MATN4: variants seen among roughly 807,000 people sequenced by gnomAD.
MATN4 encodes matrilin 4.
MATN4 carries 40 observed loss-of-function variants against 54.6 expected under a neutral mutation model. That is an observed-to-expected ratio of 0.73 (90% CI 0.57 to 0.95). MATN4 has a LOEUF of 0.95. Ranked by LOEUF, MATN4 falls within the 40% of genes least tolerant of loss-of-function variation. MATN4 has a pLI of 0.00. For synonymous variants in MATN4, 351 were observed against 345.3 expected (o/e 1.02, Z -0.18); for missense variants, 810 against 819.1 (o/e 0.99, Z 0.13).
chr20:45,294,333 T>C (rs2145636439), intron 8 of MATN4, among the ~76,000 whole-genome samples: 1 of 152,350 alleles, frequency 6.6e-6, no homozygotes, highest in Non-Finnish European at 1.5e-5. Flanking sequence ...TTAATGCTCA[T>C]TGGAATCATC....
At position 45,300,868 on chromosome 20, in the gene MATN4, C is replaced by T. The variant is rs1381327802; in HGVS notation, c.1012+19G>A. ...AATGGGGCAGAAGCCAACAGAACAC[C>T]CTCCCGCCCATCACTCACGGTTGCA... is the stretch of plus-strand genomic sequence containing the variant. On this transcript the variant is annotated intron_variant, in intron 6 of 9. Coordinates refer to ENST00000372756, the MANE Select transcript of MATN4 (RefSeq NM_001393530.1). 5 of 1,611,310 alleles carry T rather than the reference C, an allele frequency of 3.1e-6. No homozygotes were observed. In the East Asian group the frequency reaches 8.9e-5, roughly 29 times the overall value.
In MATN4 at chr20:45,301,429, C is replaced by T. The variant is rs767682763; in HGVS notation, c.658G>A (p.Ala220Thr). 2 of 1,613,836 alleles carry T rather than the reference C, an allele frequency of 1.2e-6. No individual in the cohort carries two copies. Among genetic ancestry groups the T allele is most frequent in the Non-Finnish European group, 1.7e-6 (2 of 1,179,968 alleles). The change falls in exon 4 of 10, where the codon GCT becomes ACT. Residue 220 changes from alanine to threonine, a missense_variant. Transcript: ENST00000372756. ...TGCTCACATCCATGGGTCCCTTCAG[C>T]ACACAGATCAATGGCTGAGGAAGAA... is the stretch of plus-strand genomic sequence containing the variant. ...QSRLCAIDLC[A>T]EGTHGCEHHC...
chr20:45,302,043 A>G (rs1986266553), intron 3 of MATN4, among the ~76,000 whole-genome samples: 1 of 152,102 alleles, frequency 6.6e-6, no homozygotes, highest in Non-Finnish European at 1.5e-5. Context: ...TACTTAGCAC[A>G]TACACGCTTG....
Position 45,298,243 on chromosome 20 carries a change from A to G in MATN4, c.1353T>C (p.Arg451=), listed in dbSNP as rs753312085. ...GGCCATCCGTGAAGACCAGGCCAACACGAGGCACGTTAAGGGCACGGGGCC... is the reference window on the plus strand; with the variant it reads ...GGCCATCCGTGAAGACCAGGCCAACGCGAGGCACGTTAAGGGCACGGGGCC... ...GARPRALNVP[R]VGLVFTDGRS... is the part of the protein sequence containing the mutation. The change falls in exon 7 of 10, where the codon CGT becomes CGC. Residue 451 remains arginine (R), a synonymous_variant. Transcript: ENST00000372756. The surrounding 1 kb of genome is among the most constrained non-coding windows in gnomAD (Gnocchi z 4.6). 6.2e-7 allele frequency: 1 copy of G among 1,611,828 alleles called. No individual in the cohort carries two copies. The highest frequency in any genetic ancestry group is 2.2e-5 in the East Asian group (1 of 44,810).
At chr20:45,297,273 G>C (rs1600691143) in intron 8 of MATN4, among the ~76,000 whole-genome samples, 1 of 151,894 alleles carries the variant, frequency 6.6e-6, no homozygotes, top group South Asian at 2.1e-4. Context: ...AAGTCTCTAG[G>C]GTAAAAGTTA....
intron 2 of MATN4, among the ~76,000 whole-genome samples, 153 bp from the exon 3 acceptor site, chr20:45,304,950 C>T (rs1466905407): frequency 2.0e-5 from 3 of 152,224 alleles, no homozygotes; most frequent in African/African-American, 7.2e-5. Context: ...CCGGCATGTG[C>T]CTAGCACCTG....
chr20:45,304,616 G>T lies in MATN4; in HGVS notation c.255C>A (p.Val85=), dbSNP rs1310857624. ...VIQYSSQVQS[V]FPLRAFSRRE... ...GGCGAGAGAACGCGCGGAGAGGGAA[G>T]ACGCTCTGCACTTGACTCGAATACT... The change falls in exon 3 of 10, where the codon GTC becomes GTA. Residue 85 remains valine, a synonymous_variant. Transcript: ENST00000372756. The T allele has an allele frequency of 6.2e-7, 1 of 1,603,896 alleles. No homozygotes were observed. Among genetic ancestry groups the T allele is most frequent in the Non-Finnish European group, 8.5e-7 (1 of 1,172,148 alleles).
chr20:45,298,316 G>A lies in MATN4; in HGVS notation c.1280C>T (p.Ala427Val), dbSNP rs144151421. 82 of 1,613,376 alleles carry A rather than the reference G, an allele frequency of 5.1e-5. No individual in the cohort carries two copies. The highest frequency in any genetic ancestry group is 6.4e-5 in the Non-Finnish European group (76 of 1,179,894). Residue 427 changes from alanine to valine, a missense_variant, in exon 7 of 10, where the codon GCG (alanine) becomes GTG (valine). Ala to Val is a moderately conservative substitution (Grantham distance 64). Coordinates refer to ENST00000372756, the MANE Select transcript of MATN4 (RefSeq NM_001393530.1). The surrounding 1 kb of genome is among the most constrained non-coding windows in gnomAD (Gnocchi z 4.6). The stretch of plus-strand genomic sequence containing the variant: ...GCTGTGCTCCACCATGTGCCGCAAC[G>A]CCAGCCCTGTCATGGTGCCGCGTTC... ...YMERGTMTGL[A>V]LRHMVEHSFS...
At position 45,302,021 on chromosome 20, in the gene MATN4, C is replaced by T. The variant is rs144993754; in HGVS notation, c.644-578G>A. Reference sequence around the variant, plus strand: ...AATGAGTTTTTCGTGTGTGTGTGCACGCGCTATGAGTTACTTAGCACATAC... The same window carrying T: ...AATGAGTTTTTCGTGTGTGTGTGCATGCGCTATGAGTTACTTAGCACATAC... On this transcript the variant is annotated intron_variant, in intron 3 of 9. Coordinates refer to ENST00000372756, the MANE Select transcript of MATN4 (RefSeq NM_001393530.1). Among the ~76,000 whole-genome samples the T allele has an allele frequency of 1.5e-3, 227 of 152,090 alleles. 1 individual carries two copies. Among genetic ancestry groups the T allele is most frequent in the Middle Eastern group, 6.8e-3 (2 of 294 alleles).
intron 1 of MATN4, among the ~76,000 whole-genome samples, chr20:45,307,467 G>A (rs1048998888): frequency 2.6e-4 from 40 of 152,130 alleles, no homozygotes; most frequent in African/African-American, 9.2e-4. Context: ...GTGGGAGGGC[G>A]GGGAACCCTT....
chr20:45,297,821 G>A, intron 8 of MATN4, 97 bp downstream of exon 8: 1 of 1,479,536 alleles, frequency 6.8e-7, no homozygotes, highest in Non-Finnish European at 9.3e-7. Context: ...CCAACCTCTG[G>A]CTATAACTAC....
chr20:45,297,161 G>A (rs62205535), intron 8 of MATN4, among the ~76,000 whole-genome samples: 4 of 150,954 alleles, frequency 2.6e-5, no homozygotes, highest in African/African-American at 9.7e-5. Context: ...AAAAAAAAAG[G>A]CAAATTCTCC....
rs1037126655 is a variant in MATN4 at position 45,296,164 on chromosome 20, G to A, written c.1579+1754C>T. Reference sequence around the variant, plus strand: ...TGGCAGGCAGAGGTTGCAGTAAGCCGAGATCGCACCACTGCACTCCAGCCT... The same window carrying A: ...TGGCAGGCAGAGGTTGCAGTAAGCCAAGATCGCACCACTGCACTCCAGCCT... On this transcript the variant is annotated intron_variant, in intron 8 of 9. Coordinates refer to ENST00000372756, the MANE Select transcript of MATN4 (RefSeq NM_001393530.1). Among the ~76,000 whole-genome samples the A allele has an allele frequency of 1.6e-4, 21 of 128,248 alleles. No homozygotes were observed. The Middle Eastern group carries it at 0.019, about 113-fold the overall frequency. The allele number at this position is 128,248 out of a possible 152,430, so 84.1% of individuals were successfully genotyped here.
At chr20:45,305,848 G>A (rs1169973394) in intron 1 of MATN4, among the ~76,000 whole-genome samples, 1 of 82,934 alleles carries the variant, frequency 1.2e-5, no homozygotes. Context: ...CTGTCGTCCC[G>A]GCTGGAGTGC....
Position 45,298,035 on chromosome 20 carries a change from C to G in MATN4, c.1462G>C (p.Val488Leu). The change falls in exon 8 of 10, where the codon GTG becomes CTG. Residue 488 changes from valine (V) to leucine (L), a missense_variant. Physicochemically the swap from Val to Leu is conservative, Grantham distance 32. Coordinates refer to ENST00000372756, the MANE Select transcript of MATN4 (RefSeq NM_001393530.1). This position sits in a 1 kb window ranked among gnomAD's most constrained non-coding sequence, Gnocchi z 4.6. Reference protein sequence around the residue: ...VMYAVGVGKAVEAELREIASE... With the variant: ...VMYAVGVGKALEAELREIASE... ...GCGATCTCGCGCAGCTCCGCCTCCA[C>G]CGCCTTGCCCACGCCCACGGCGTAC... The G allele has an allele frequency of 6.2e-7, 1 of 1,613,882 alleles. No individual in the cohort carries two copies. The highest frequency in any genetic ancestry group is 8.5e-7 in the Non-Finnish European group (1 of 1,179,942).
chr20:45,296,214 CAAAAAAAAAAA>C (rs71181820), intron 8 of MATN4, among the ~76,000 whole-genome samples: 7 of 35,494 alleles, frequency 2.0e-4, no homozygotes, highest in African/African-American at 5.2e-4. Flanking sequence ...GACTCCATCT[CAAAAAAAAAAA>C]AAAAAAAAAA....
At chr20:45,306,060 C>A (rs2233088) in intron 1 of MATN4, among the ~76,000 whole-genome samples, 37,973 of 151,634 alleles carry the variant, frequency 0.25, 6,107 homozygotes, top group East Asian at 0.74. Context: ...CCACCTCGGC[C>A]TCCCAGAATG....
At chr20:45,306,977 G>T in intron 1 of MATN4, 1 of 1,241,194 alleles carries the variant, frequency 8.1e-7, no homozygotes, top group Non-Finnish European at 1.0e-6. Flanking sequence ...CCCCGGAGAC[G>T]CCCCGTGAGA....
chr20:45,303,270 G>A (rs934206670), intron 3 of MATN4: 5 of 623,392 alleles, frequency 8.0e-6, no homozygotes, highest in Admixed American at 4.4e-5. Context: ...CCTGTAAAGT[G>A]ATGGAGGTGT....
Sources: allele counts gnomAD v4.1 joint callset (sites outside exome capture counted in the v4.1 genomes callset), GRCh38; gene constraint gnomAD v4.1.1; non-coding constraint Gnocchi (gnomAD v3.1); transcripts MANE v1.5; gene names NCBI Gene and HGNC (gene_info 2026-07-23, HGNC 2026-07-21).